HIVEP1: variants seen among roughly 807,000 people sequenced by gnomAD.
The protein encoded by HIVEP1 is HIVEP zinc finger 1, also known as zinc finger protein 40.
HIVEP1 carries 36 observed loss-of-function variants against 180.0 expected under a neutral mutation model. The ratio of observed to expected loss-of-function variants is 0.20; its 90% CI spans 0.15 to 0.26. The LOEUF is 0.26. Ranked by LOEUF, HIVEP1 falls within the 10% of genes least tolerant of loss-of-function variation. The probability of loss-of-function intolerance (pLI) is 1.00; values close to 1 mark genes in which losing one functional copy is unlikely to be tolerated. For synonymous variants in HIVEP1, 1,239 were observed against 1,239.0 expected (o/e 1.00, Z 0.00); for missense variants, 3,143 against 3,268.7 (o/e 0.96, Z 0.94).
At position 12,124,827 on chromosome 6, in the gene HIVEP1, C is replaced by T; in HGVS notation, c.5032C>T (p.Pro1678Ser). 6.2e-7 allele frequency: 1 copy of T among 1,614,108 alleles called. No homozygotes were observed. Among genetic ancestry groups the T allele is most frequent in the Middle Eastern group, 1.6e-4 (1 of 6,062 alleles). The change falls in exon 4 of 9, where the codon CCA becomes TCA. Residue 1678 changes from proline to serine, a missense_variant. Pro to Ser is a moderately conservative substitution (Grantham distance 74). Coordinates refer to ENST00000379388, the MANE Select transcript of HIVEP1 (RefSeq NM_002114.4). Reference sequence around the variant, plus strand: ...TTGCCAGACTAATCATAGTGTAGTGCCAATCAGTGAAGAACAAAATTCTGT... The same window carrying T: ...TTGCCAGACTAATCATAGTGTAGTGTCAATCAGTGAAGAACAAAATTCTGT... ...PICQTNHSVV[P>S]ISEEQNSVPT...
chr6:12,125,264 T>C lies in HIVEP1; in HGVS notation c.5469T>C (p.Ile1823=), dbSNP rs763254829. 9.9e-6 allele frequency: 16 copies of C among 1,614,002 alleles called. No individual in the cohort carries two copies. The Admixed American group carries it at 2.5e-4, about 25-fold the overall frequency. ...LEKDVFSQPE[I]SNEAVNLTNV... Reference sequence around the variant, plus strand: ...AGGATGTTTTTTCTCAACCTGAAATTAGTAATGAGGCTGTTAATTTGACAA... The same window carrying C: ...AGGATGTTTTTTCTCAACCTGAAATCAGTAATGAGGCTGTTAATTTGACAA... The change falls in exon 4 of 9, where the codon ATT becomes ATC. Residue 1823 remains isoleucine (I), a synonymous_variant. Coordinates refer to ENST00000379388, the MANE Select transcript of HIVEP1 (RefSeq NM_002114.4).
At chr6:12,198,183 G>A in the HIVEP1 span, among the ~76,000 whole-genome samples, 5 of 152,070 alleles carry the variant, frequency 3.3e-5, no homozygotes, top group African/African-American at 7.2e-5. Context: ...CTATATGGTC[G>A]TTACATATGG....
In HIVEP1 at chr6:12,038,029, T is replaced by C. The variant is rs574673857; in HGVS notation, c.40+22361T>C. ...CGCACCTAGTCTGTGGTTTTTCTTC[T>C]TCTTATTTTTAAACATCCTGTGCAG... On this transcript the variant is annotated intron_variant, in intron 2 of 8. Transcript: ENST00000379388. The C allele has an allele frequency of 1.5e-3, 505 of 347,370 alleles. 1 individual carries two copies. The highest frequency in any genetic ancestry group is 2.1e-3 in the Non-Finnish European group (401 of 195,358). 21.5% of individuals were successfully genotyped at this position (347,370 alleles called of 1,614,324 possible). A position where few individuals can be genotyped will look rare whatever the true frequency, so the allele number is the denominator to read the frequency against.
the HIVEP1 span, among the ~76,000 whole-genome samples, chr6:12,184,628 G>T: frequency 1.4e-4 from 22 of 152,056 alleles, no homozygotes; most frequent in East Asian, 3.3e-3. Flanking sequence ...AATTTGAACC[G>T]CAGCCCTTTG....
At chr6:12,074,828 G>T (rs756525159) in intron 2 of HIVEP1, among the ~76,000 whole-genome samples, 8 of 151,976 alleles carry the variant, frequency 5.3e-5, no homozygotes, top group Admixed American at 5.2e-4. Context: ...AAGATAGAAA[G>T]AATGTATCCA....
upstream of HIVEP1, chr6:12,012,143 G>C (rs1353949367): frequency 9.6e-6 from 1 of 104,472 alleles, no homozygotes; most frequent in South Asian, 3.2e-4. Context: ...CCCCCAGCCC[G>C]GCTGCCCGGC....
At chr6:12,165,376 T>A (rs1193493994), downstream of HIVEP1, among the ~76,000 whole-genome samples, 1 of 152,164 alleles carries the variant, frequency 6.6e-6, no homozygotes, top group Non-Finnish European at 1.5e-5. Context: ...CCGTATAACC[T>A]CATTTCCAGG....
chr6:12,184,962 A>G, the HIVEP1 span, among the ~76,000 whole-genome samples: 1 of 152,262 alleles, frequency 6.6e-6, no homozygotes, highest in Non-Finnish European at 1.5e-5. Context: ...GTACACACAC[A>G]CAATGAATAT....
chr6:12,166,685 C>G (rs886820295), downstream of HIVEP1, among the ~76,000 whole-genome samples: 4 of 152,186 alleles, frequency 2.6e-5, no homozygotes, highest in Non-Finnish European at 5.9e-5. Context: ...GCAGTGTCCA[C>G]TTGATACTCC....
chr6:12,092,499 G>A (rs952167704), intron 3 of HIVEP1, among the ~76,000 whole-genome samples: 2 of 152,048 alleles, frequency 1.3e-5, no homozygotes, highest in African/African-American at 4.8e-5. Context: ...AACAATGCAG[G>A]TATGAATATT....
intron 6 of HIVEP1, among the ~76,000 whole-genome samples, chr6:12,133,187 C>T (rs916610124): frequency 1.8e-4 from 27 of 152,092 alleles, no homozygotes; most frequent in African/African-American, 6.3e-4. Flanking sequence ...CATTATTTGC[C>T]CTCTGAGTTT....
At chr6:12,075,638 A>C (rs1474638836) in intron 2 of HIVEP1, among the ~76,000 whole-genome samples, 2 of 151,990 alleles carry the variant, frequency 1.3e-5, no homozygotes, top group East Asian at 3.9e-4. Flanking sequence ...AATGATTACA[A>C]AATAGAATAG....
At chr6:12,134,962 A>C (rs750616266) in intron 6 of HIVEP1, among the ~76,000 whole-genome samples, 2 of 152,242 alleles carry the variant, frequency 1.3e-5, no homozygotes, top group Admixed American at 6.5e-5. Context: ...TTTCATAGTC[A>C]AGCTTGAAAC....
chr6:12,029,960 A>G (rs911308687), intron 2 of HIVEP1, among the ~76,000 whole-genome samples: 3 of 152,198 alleles, frequency 2.0e-5, no homozygotes, highest in African/African-American at 7.2e-5. Flanking sequence ...TATTTCATGT[A>G]GCATTTCTTG....
chr6:12,209,229 C>G, the HIVEP1 span, among the ~76,000 whole-genome samples: 2 of 152,130 alleles, frequency 1.3e-5, no homozygotes, highest in Non-Finnish European at 2.9e-5. Flanking sequence ...GTCAGGAGAT[C>G]GAGACCATCC....
chr6:12,015,618 A>C lies in HIVEP1; in HGVS notation c.-11A>C, dbSNP rs202085651. On this transcript the variant is annotated 5_prime_UTR_variant, in exon 2 of 9. The change abolishes the stop of an existing upstream ORF in the 5' untranslated region. Coordinates refer to ENST00000379388, the MANE Select transcript of HIVEP1 (RefSeq NM_002114.4). ...TTTTAAGAAGAAAAAGAAGGCCCTGAGTCAAAGAAGATGCCTCGAACTAAA... is the reference window on the plus strand; with the variant it reads ...TTTTAAGAAGAAAAAGAAGGCCCTGCGTCAAAGAAGATGCCTCGAACTAAA... The C allele has an allele frequency of 4.3e-6, 7 of 1,613,140 alleles. No homozygotes were observed. Among genetic ancestry groups the C allele is most frequent in the Non-Finnish European group, 5.9e-6 (7 of 1,179,342 alleles).
In HIVEP1 at chr6:12,123,719, G is replaced by A. The variant is rs369754956; in HGVS notation, c.3924G>A (p.Arg1308=). Residue 1308 remains arginine, a synonymous_variant, in exon 4 of 9, where the codon AGG becomes AGA. Transcript: ENST00000379388. Reference sequence around the variant, plus strand: ...CCACTCTCTCCAGGAGTCTAAGTAGGGAGAGCAGTTTATCTCACACTTCAA... The same window carrying A: ...CCACTCTCTCCAGGAGTCTAAGTAGAGAGAGCAGTTTATCTCACACTTCAA... ...FDSTLSRSLS[R]ESSLSHTSSF... is the part of the protein sequence containing the mutation. 6.0e-5 allele frequency: 97 copies of A among 1,614,102 alleles called. No individual in the cohort carries two copies. In the African/African-American group the frequency reaches 1.2e-3, roughly 20 times the overall value.
Position 12,124,929 on chromosome 6 carries a change from G to C in HIVEP1, c.5134G>C (p.Glu1712Gln), listed in dbSNP as rs1448713423. The C allele has an allele frequency of 6.2e-7, 1 of 1,613,796 alleles. No individual in the cohort carries two copies. The highest frequency in any genetic ancestry group is 8.5e-7 in the Non-Finnish European group (1 of 1,179,974). Residue 1712 changes from glutamate to glutamine, a missense_variant, in exon 4 of 9, where the codon GAG (glutamate) becomes CAG (glutamine). By Grantham distance (29) the Glu-to-Gln change is conservative. This residue lies in a region of HIVEP1 where 1,357 missense variants were observed against 1,260.5 expected (regional missense o/e 1.08). Coordinates refer to ENST00000379388, the MANE Select transcript of HIVEP1 (RefSeq NM_002114.4). ...ATTTCTATGTGAAAATGTTTTTTCA[G>C]AGATGAGCCAAAATTCTTCTCTATC... ...KEFLCENVFS[E>Q]MSQNSSLSES...
the HIVEP1 span, among the ~76,000 whole-genome samples, chr6:12,175,430 C>T: frequency 6.6e-6 from 1 of 152,140 alleles, no homozygotes; most frequent in Admixed American, 6.5e-5. Context: ...TTAACAAATC[C>T]TAGTGTATAG....
Sources: allele counts gnomAD v4.1 joint callset (sites outside exome capture counted in the v4.1 genomes callset), GRCh38; gene constraint gnomAD v4.1.1; regional missense constraint gnomAD v4.1.1; transcripts MANE v1.5; gene names NCBI Gene and HGNC (gene_info 2026-07-23, HGNC 2026-07-21).